SS18: variants seen among roughly 807,000 people sequenced by gnomAD.
SS18 encodes protein SSXT.
In SS18, 28 loss-of-function variants were observed where a neutral mutation model predicts 72.5. The observed-to-expected ratio is 0.39, with a 90% CI of 0.29 to 0.53. The LOEUF is 0.53. Among genes scored for constraint, SS18 ranks in the 20% least tolerant of loss-of-function variants. The probability of loss-of-function intolerance (pLI) is 0.76; values close to 1 mark genes in which losing one functional copy is unlikely to be tolerated. For synonymous variants in SS18, 172 were observed against 164.2 expected (o/e 1.05, Z -0.37); for missense variants, 518 against 535.3 (o/e 0.97, Z 0.32).
intron 3 of SS18, among the ~76,000 whole-genome samples, chr18:26,072,996 T>A (rs2144115135): frequency 6.6e-6 from 1 of 152,132 alleles, no homozygotes; most frequent in South Asian, 2.1e-4. Context: ...TGACCTAACC[T>A]AATAGACATA....
At chr18:26,022,378 T>C (rs1429713590) in intron 10 of SS18, among the ~76,000 whole-genome samples, 1 of 151,946 alleles carries the variant, frequency 6.6e-6, no homozygotes, top group South Asian at 2.1e-4. Flanking sequence ...AGAAATGTTA[T>C]GTTGAAAAAT....
chr18:26,022,889 A>G (rs560708201), intron 10 of SS18, among the ~76,000 whole-genome samples: 1 of 152,368 alleles, frequency 6.6e-6, no homozygotes, highest in South Asian at 2.1e-4. Context: ...TATTCCCACC[A>G]GTCAGAGTAA....
chr18:26,079,972 A>ACTATTT (rs1455068851), intron 2 of SS18, among the ~76,000 whole-genome samples: 1 of 152,040 alleles, frequency 6.6e-6, no homozygotes, highest in Non-Finnish European at 1.5e-5. Flanking sequence ...AGGAAAAAAC[A>ACTATTT]CTATTTCTTG....
intron 9 of SS18, among the ~76,000 whole-genome samples, chr18:26,033,100 G>C (rs1277369637): frequency 1.3e-5 from 2 of 152,182 alleles, no homozygotes; most frequent in Non-Finnish European, 2.9e-5. Flanking sequence ...GAAAAAACTT[G>C]ATTCAAAAGT....
intron 10 of SS18, among the ~76,000 whole-genome samples, chr18:26,018,654 T>C (rs2053290933): frequency 6.6e-6 from 1 of 152,200 alleles, no homozygotes; most frequent in Non-Finnish European, 1.5e-5. Context: ...CTTAAATGTT[T>C]AGTGAATTTT....
intron 9 of SS18, 83 bp downstream of exon 9, chr18:26,034,922 A>G (rs1014529354): frequency 3.3e-6 from 5 of 1,493,314 alleles, no homozygotes; most frequent in Admixed American, 2.1e-5. Flanking sequence ...TCTTGTAAAA[A>G]TAAGTATTAA....
chr18:26,034,954 A>G, intron 9 of SS18, 51 bp downstream of exon 9: 2 of 1,573,470 alleles, frequency 1.3e-6, no homozygotes, highest in African/African-American at 2.7e-5. Context: ...CATATTTTAA[A>G]ACAATCAGCA....
At chr18:26,027,821 G>C (rs1188334236) in intron 10 of SS18, among the ~76,000 whole-genome samples, 2 of 149,540 alleles carry the variant, frequency 1.3e-5, no homozygotes, top group Non-Finnish European at 3.0e-5. Context: ...ATGAATCATA[G>C]ACTTAAATGT....
chr18:26,070,377 G>A (rs2054291912), intron 3 of SS18, among the ~76,000 whole-genome samples: 1 of 152,140 alleles, frequency 6.6e-6, no homozygotes, highest in Non-Finnish European at 1.5e-5. Flanking sequence ...TGGCTGTCAG[G>A]TAACACTGCA....
chr18:26,038,465 C>T, intron 7 of SS18, 90 bp downstream of exon 7: 1 of 1,197,564 alleles, frequency 8.4e-7, no homozygotes, highest in Non-Finnish European at 1.2e-6. Flanking sequence ...TTGTTAGTTT[C>T]TTCGTCCTCA....
intron 10 of SS18, among the ~76,000 whole-genome samples, chr18:26,029,809 C>T (rs1217842193): frequency 1.3e-5 from 2 of 152,180 alleles, no homozygotes; most frequent in Admixed American, 1.3e-4. Context: ...CGTGAACGAA[C>T]TATTTTTCCT....
chr18:26,078,019 C>A, intron 3 of SS18, 57 bp downstream of exon 3: 1 of 1,276,052 alleles, frequency 7.8e-7, no homozygotes, highest in Non-Finnish European at 1.1e-6. Context: ...CAAAAATGTG[C>A]CATACCATAT....
intron 3 of SS18, among the ~76,000 whole-genome samples, chr18:26,075,180 C>A (rs2054389951): frequency 6.6e-6 from 1 of 151,840 alleles, no homozygotes; most frequent in Non-Finnish European, 1.5e-5. Flanking sequence ...TATGTAAATT[C>A]TTCTGGATAA....
rs373502832 is a variant in SS18 at position 26,035,733 on chromosome 18, T to C, written c.973+98A>G. 6.9e-6 allele frequency: 5 copies of C among 721,608 alleles called. No homozygotes were observed. The African/African-American group carries it at 7.3e-5, about 11-fold the overall frequency. The allele number at this position is 721,608 out of a possible 1,614,324, so 44.7% of individuals were successfully genotyped here. Reference sequence around the variant, plus strand: ...TCAAGAAAGCCAGCAACTAGTATTCTACAAGAGCTTTGCATGGGTAGAAGT... The same window carrying C: ...TCAAGAAAGCCAGCAACTAGTATTCCACAAGAGCTTTGCATGGGTAGAAGT... On this transcript the variant is annotated intron_variant, in intron 8 of 10. Transcript: ENST00000415083. This position sits in a 1 kb window ranked among gnomAD's most constrained non-coding sequence, Gnocchi z 4.4.
At chr18:26,041,054 A>T (rs2143898271) in intron 5 of SS18, among the ~76,000 whole-genome samples, 1 of 152,360 alleles carries the variant, frequency 6.6e-6, no homozygotes, top group South Asian at 2.1e-4. Flanking sequence ...AACTGAGAAT[A>T]AGACAAACCT....
upstream of SS18, chr18:26,090,631 A>G (rs184795754): frequency 1.1e-3 from 1,625 of 1,507,418 alleles, 5 homozygotes; most frequent in South Asian, 4.9e-3. Flanking sequence ...AAACTGGGGG[A>G]GAGACGCCGG....
At chr18:26,080,345 A>G in intron 2 of SS18, 1 of 984,438 alleles carries the variant, frequency 1.0e-6, no homozygotes, top group Non-Finnish European at 1.2e-6. Context: ...TTGCTTGAGT[A>G]TTAGTATGGT....
chr18:26,085,309 T>G (rs9304490), intron 2 of SS18, among the ~76,000 whole-genome samples: 24,963 of 152,126 alleles, frequency 0.16, 3,837 homozygotes, highest in African/African-American at 0.4. Flanking sequence ...TGCTGGGATT[T>G]CAGGCATGAA....
chr18:26,066,422 A>G (rs1414868555), intron 3 of SS18, among the ~76,000 whole-genome samples: 2 of 152,064 alleles, frequency 1.3e-5, no homozygotes, highest in African/African-American at 4.8e-5. Context: ...GAAATCTCTG[A>G]TATTTCCCTT....
Sources: allele counts gnomAD v4.1 joint callset (sites outside exome capture counted in the v4.1 genomes callset), GRCh38; gene constraint gnomAD v4.1.1; non-coding constraint Gnocchi (gnomAD v3.1); transcripts MANE v1.5; gene names NCBI Gene and HGNC (gene_info 2026-07-23, HGNC 2026-07-21).